Variants in MRPL1 observed in about 807,000 individuals in gnomAD.
The protein encoded by MRPL1 is mitochondrial ribosomal protein L1.
In MRPL1, 28 loss-of-function variants were observed where a neutral mutation model predicts 38.0. The ratio of observed to expected loss-of-function variants is 0.74; its 90% confidence interval spans 0.55 to 1.01. The LOEUF is 1.01. Ranked by LOEUF, MRPL1 falls within the 50% of genes least tolerant of loss-of-function variation. The pLI is 0.00. For synonymous variants in MRPL1, 123 were observed against 126.7 expected, an observed-to-expected ratio of 0.97 and a Z score of 0.20; for missense variants, 358 against 389.8, an observed-to-expected ratio of 0.92 and a Z score of 0.69.
At chr4:77,948,865 G>C (rs1737339327) in intron 7 of MRPL1, among the ~76,000 whole-genome samples, 1 of 151,530 alleles carries the variant, frequency 6.6e-6, no homozygotes. Context: ...CCGCCTCCTG[G>C]GACCAAGCGA....
intron 2 of MRPL1, among the ~76,000 whole-genome samples, chr4:77,874,223 T>A (rs1735343837): frequency 6.6e-6 from 1 of 152,102 alleles, no homozygotes; most frequent in Non-Finnish European, 1.5e-5. Context: ...CCTGACCTTG[T>A]GATCTGCCCG....
chr4:77,882,608 A>G (rs935524605), intron 2 of MRPL1, among the ~76,000 whole-genome samples: 3 of 152,136 alleles, frequency 2.0e-5, no homozygotes, highest in African/African-American at 7.2e-5. Flanking sequence ...GGCTTCTTTC[A>G]CTTAGCTTAA....
intron 1 of MRPL1, among the ~76,000 whole-genome samples, chr4:77,870,073 T>C (rs1489293512): frequency 6.6e-6 from 1 of 152,108 alleles, no homozygotes; most frequent in Non-Finnish European, 1.5e-5. Context: ...TTTAAATTTT[T>C]TGTAGAGATG....
intron 3 of MRPL1, among the ~76,000 whole-genome samples, chr4:77,884,597 A>G (rs529398039): frequency 6.6e-6 from 1 of 152,372 alleles, no homozygotes; most frequent in East Asian, 1.9e-4. Flanking sequence ...TTCTAAATAA[A>G]TCTGAAAGTG....
intron 8 of MRPL1, among the ~76,000 whole-genome samples, chr4:77,950,461 ACAAATTT>A (rs768698454): frequency 2.0e-5 from 3 of 152,182 alleles, no homozygotes; most frequent in Non-Finnish European, 4.4e-5. Flanking sequence ...CCTTCCTCAG[ACAAATTT>A]CACTTGTGGC....
At chr4:77,938,870 C>T (rs1737053806) in intron 7 of MRPL1, among the ~76,000 whole-genome samples, 1 of 152,174 alleles carries the variant, frequency 6.6e-6, no homozygotes, top group African/African-American at 2.4e-5. Context: ...AGTTCGTAAC[C>T]CTGGACCTAG....
Position 77,949,854 on chromosome 4 carries a change from T to C in MRPL1, c.835T>C (p.Cys279Arg), listed in dbSNP as rs1288859454. ...TCTGCAAGCAGTTATTAATGAAGTT[T>C]GTAGGCACAGACCGCTGAATTTGGG... is the stretch of plus-strand genomic sequence containing the variant. ...ANLQAVINEV[C>R]RHRPLNLGPF... Residue 279 changes from cysteine (C) to arginine (R), a missense_variant, in exon 8 of 9, where the codon TGT becomes CGT. Transcript: ENST00000315567. The C allele has an allele frequency of 6.2e-7, 1 of 1,610,984 alleles. No individual in the cohort carries two copies. The highest frequency in any genetic ancestry group is 1.7e-5 in the Admixed American group (1 of 59,516).
intron 7 of MRPL1, among the ~76,000 whole-genome samples, chr4:77,949,377 TAGCA>T (rs1737354277): frequency 6.6e-6 from 1 of 152,220 alleles, no homozygotes; most frequent in Admixed American, 6.5e-5. Context: ...TGAATGCATG[TAGCA>T]AGCAGTTTTA....
At chr4:77,951,670 A>G (rs111638802) in intron 8 of MRPL1, among the ~76,000 whole-genome samples, 9 of 152,364 alleles carry the variant, frequency 5.9e-5, no homozygotes, top group African/African-American at 2.2e-4. Flanking sequence ...ATTCCTGGCC[A>G]GAGCCACTGT....
At chr4:77,944,271 G>A (rs1382428053) in intron 7 of MRPL1, among the ~76,000 whole-genome samples, 1 of 152,196 alleles carries the variant, frequency 6.6e-6, no homozygotes, top group Non-Finnish European at 1.5e-5. Context: ...TAGCAGCACA[G>A]TTTTTCAGCT....
intron 2 of MRPL1, among the ~76,000 whole-genome samples, chr4:77,881,280 C>G (rs1735534378): frequency 6.6e-6 from 1 of 152,120 alleles, no homozygotes; most frequent in African/African-American, 2.4e-5. Flanking sequence ...ATCCCCCAAA[C>G]TTGAACTAAT....
At chr4:77,917,261 C>G (rs2110251881) in intron 7 of MRPL1, among the ~76,000 whole-genome samples, 1 of 152,184 alleles carries the variant, frequency 6.6e-6, no homozygotes, top group East Asian at 1.9e-4. Flanking sequence ...TCTGACTCAC[C>G]CCTACCATCA....
At chr4:77,900,143 T>C (rs948140173) in intron 6 of MRPL1, among the ~76,000 whole-genome samples, 1 of 152,228 alleles carries the variant, frequency 6.6e-6, no homozygotes, top group Non-Finnish European at 1.5e-5. Context: ...CTCCCTATCA[T>C]TCCTAAAGTA....
intron 7 of MRPL1, among the ~76,000 whole-genome samples, chr4:77,934,241 T>C (rs1736912778): frequency 6.6e-6 from 1 of 152,192 alleles, no homozygotes; most frequent in African/African-American, 2.4e-5. Context: ...TTAAATGACA[T>C]TATCAATAGA....
Position 77,926,322 on chromosome 4 carries a change from A to C in MRPL1, c.777+16950A>C, listed in dbSNP as rs927747241. Among the ~76,000 whole-genome samples the C allele has an allele frequency of 1.9e-4, 29 of 151,690 alleles. No homozygotes were observed. In the East Asian group the frequency reaches 1.9e-3, roughly 10 times the overall value. Reference sequence around the variant, plus strand: ...ATATATCAATATTGAATGCTGAGAAACTCCCCTTACCCTCCACCACCATTT... The same window carrying C: ...ATATATCAATATTGAATGCTGAGAACCTCCCCTTACCCTCCACCACCATTT... On this transcript the variant is annotated intron_variant, in intron 7 of 8. Coordinates refer to ENST00000315567, the MANE Select transcript of MRPL1 (RefSeq NM_020236.4).
chr4:77,899,251 C>G (rs767238377), intron 6 of MRPL1, among the ~76,000 whole-genome samples: 8 of 150,778 alleles, frequency 5.3e-5, no homozygotes, highest in Non-Finnish European at 1.2e-4. Context: ...AAGTGATCTA[C>G]CTGCTGCAGT....
At chr4:77,864,477 A>T (rs1046145876) in intron 1 of MRPL1, 2 of 152,000 alleles carry the variant, frequency 1.3e-5, no homozygotes, top group African/African-American at 2.4e-5. Context: ...TATTTTTTTA[A>T]TTGTTTACTT....
At chr4:77,928,389 C>T (rs564878510) in intron 7 of MRPL1, among the ~76,000 whole-genome samples, 64 of 152,304 alleles carry the variant, frequency 4.2e-4, no homozygotes, top group African/African-American at 1.4e-3. Context: ...ATATTGCTTA[C>T]ATCTACAAAC....
intron 7 of MRPL1, among the ~76,000 whole-genome samples, chr4:77,937,964 A>G (rs1847216): frequency 0.15 from 22,394 of 152,076 alleles, 1,891 homozygotes; most frequent in South Asian, 0.25. Context: ...CCAGAAGTCT[A>G]TCAGGATCCA....
Sources: gnomAD v4.1 joint callset for allele counts (sites outside exome capture counted in the v4.1 genomes callset) on GRCh38, gnomAD v4.1.1 for gene constraint, MANE v1.5 for transcripts, NCBI Gene and HGNC (gene_info 2026-07-23, HGNC 2026-07-21) for gene names.